ZDHHC14: variants seen among roughly 807,000 people sequenced by gnomAD.
ZDHHC14 encodes the protein palmitoyltransferase ZDHHC14.
Under a neutral mutation model 47.7 loss-of-function variants are expected in ZDHHC14, and 16 were observed. That is an observed-to-expected ratio of 0.34 (90% CI 0.23 to 0.51). The LOEUF (loss-of-function observed/expected upper bound fraction) is 0.51, where lower values mean the gene tolerates loss of function less well. ZDHHC14 is among the 20% of genes least tolerant of loss of function. The pLI is 0.97. For synonymous variants in ZDHHC14, 293 were observed against 278.9 expected, an observed-to-expected ratio of 1.05 and a Z score of -0.50; for missense variants, 515 against 662.5, an observed-to-expected ratio of 0.78 and a Z score of 2.44.
At chr6:157,444,302 G>A (rs9347259) in intron 1 of ZDHHC14, among the ~76,000 whole-genome samples, 109,204 of 152,066 alleles carry the variant, frequency 0.72, 39,207 homozygotes, top group Middle Eastern at 0.77. Flanking sequence ...TGGATGGGCT[G>A]TTTGGTAGCG....
At position 157,673,916 on chromosome 6, in the gene ZDHHC14, C is replaced by G. The variant is rs1287438587; in HGVS notation, c.*794C>G. 6.6e-6 allele frequency: 1 copy of G among 152,574 alleles called. No individual in the cohort carries two copies. The highest frequency in any genetic ancestry group is 1.5e-5 in the Non-Finnish European group (1 of 68,020). The allele number at this position is 152,574 out of a possible 1,614,324, so 9.5% of individuals were successfully genotyped here. On this transcript the variant is annotated 3_prime_UTR_variant, in exon 9 of 9. Coordinates refer to ENST00000359775, the MANE Select transcript of ZDHHC14 (RefSeq NM_024630.3). The surrounding 1 kb of genome is among the most constrained non-coding windows in gnomAD (Gnocchi z 5.4). Reference sequence around the variant, plus strand: ...TGTGATGAAACTTCCCGTGGACAGCCAATAAAATGACGTCCTCTGTTATTT... The same window carrying G: ...TGTGATGAAACTTCCCGTGGACAGCGAATAAAATGACGTCCTCTGTTATTT...
At chr6:157,426,776 G>C (rs772395482) in intron 1 of ZDHHC14, among the ~76,000 whole-genome samples, 8 of 152,220 alleles carry the variant, frequency 5.3e-5, no homozygotes, top group Non-Finnish European at 1.0e-4. Flanking sequence ...AGAGGGGCCA[G>C]CGTGAGGTTC....
intron 3 of ZDHHC14, among the ~76,000 whole-genome samples, chr6:157,615,126 ACATTCCATAGC>A (rs1178746348): frequency 1.3e-5 from 2 of 152,158 alleles, no homozygotes; most frequent in Admixed American, 6.5e-5. Context: ...CGGGCCCCCG[ACATTCCATAGC>A]CGGTCCTAAC....
At chr6:157,616,019 G>T (rs1236335632) in intron 3 of ZDHHC14, among the ~76,000 whole-genome samples, 1 of 152,216 alleles carries the variant, frequency 6.6e-6, no homozygotes, top group Non-Finnish European at 1.5e-5. Context: ...CACATTGGGG[G>T]TGCAGCCAGT....
In ZDHHC14 at chr6:157,673,099, C is replaced by A; in HGVS notation, c.1444C>A (p.Leu482Met). The change falls in exon 9 of 9, where the codon CTG becomes ATG. Residue 482 changes from leucine (L) to methionine (M), a missense_variant. Leu to Met is a conservative substitution (Grantham distance 15). Coordinates refer to ENST00000359775, the MANE Select transcript of ZDHHC14 (RefSeq NM_024630.3). The surrounding 1 kb of genome is among the most constrained non-coding windows in gnomAD (Gnocchi z 5.4). ...CCTGCATGAGGACTCTGTGCGCGGCCTGGTGAAGCTCAGCTCCGTGTGACC... is the reference window on the plus strand; with the variant it reads ...CCTGCATGAGGACTCTGTGCGCGGCATGGTGAAGCTCAGCTCCGTGTGACC... Reference protein sequence around the residue: ...DSLHEDSVRGLVKLSSV With the variant: ...DSLHEDSVRGMVKLSSV The A allele has an allele frequency of 6.4e-7, 1 of 1,574,142 alleles. No individual in the cohort carries two copies. Among genetic ancestry groups the A allele is most frequent in the Non-Finnish European group, 8.6e-7 (1 of 1,168,752 alleles).
chr6:157,433,046 G>A (rs1035589005), intron 1 of ZDHHC14, among the ~76,000 whole-genome samples: 33 of 152,358 alleles, frequency 2.2e-4, no homozygotes, highest in African/African-American at 7.0e-4. Flanking sequence ...GCATCTCACC[G>A]CCCAAGAGCG....
intron 1 of ZDHHC14, among the ~76,000 whole-genome samples, chr6:157,494,563 C>G (rs1405677003): frequency 6.6e-6 from 1 of 152,190 alleles, no homozygotes; most frequent in African/African-American, 2.4e-5. Context: ...CCAAATTATG[C>G]AAGATGCCGA....
chr6:157,452,061 C>G (rs1778816349), intron 1 of ZDHHC14, among the ~76,000 whole-genome samples: 1 of 151,998 alleles, frequency 6.6e-6, no homozygotes, highest in Non-Finnish European at 1.5e-5. Context: ...GGGGTTGGAC[C>G]CATTTAGCAC....
At chr6:157,631,532 T>G (rs1204191164) in intron 4 of ZDHHC14, 1 of 151,976 alleles carries the variant, frequency 6.6e-6, no homozygotes, top group Non-Finnish European at 1.5e-5. Context: ...CTCTTAAGCC[T>G]CAGAAAACAT....
rs1297739402 is a variant in ZDHHC14 at position 157,522,802 on chromosome 6, TCCCTCCCTCCCTCCC to T, written c.246-19782_246-19768del. 3.6e-3 allele frequency among the ~76,000 whole-genome samples: 97 copies of T among 26,920 alleles called. 30 individuals carry two copies. Among genetic ancestry groups the T allele is most frequent in the African/African-American group, 0.017 (90 of 5,430 alleles). The allele number at this position is 26,920 out of a possible 152,430, so 17.7% of individuals were successfully genotyped here. A position where few individuals can be genotyped will look rare whatever the true frequency, so the allele number is the denominator to read the frequency against. On this transcript the variant is annotated intron_variant, in intron 1 of 8. Coordinates refer to ENST00000359775, the MANE Select transcript of ZDHHC14 (RefSeq NM_024630.3). ...ATCTCTCTTTCCATTCCTCCCTCCC[TCCCTCCCTCCCTCCC>T]TCCCTCCCTCCCTCCCTCCCTTCCT...
At chr6:157,469,471 G>T (rs1779304341) in intron 1 of ZDHHC14, among the ~76,000 whole-genome samples, 1 of 152,212 alleles carries the variant, frequency 6.6e-6, no homozygotes, top group South Asian at 2.1e-4. Flanking sequence ...TTTGGAAGTT[G>T]AAAGACGTCA....
rs759574099 is a variant in ZDHHC14 at position 157,592,998 on chromosome 6, C to G, written c.417C>G (p.Asn139Lys). Residue 139 changes from asparagine (N) to lysine (K), a missense_variant, in exon 3 of 9, where the codon AAC (asparagine) becomes AAG (lysine). Physicochemically the swap from Asn to Lys is moderately conservative, Grantham distance 94. Around this residue, in one of 4 missense-constraint regions of ZDHHC14, gnomAD observed 229 missense variants for 351.5 expected, o/e 0.65. Transcript: ENST00000359775. The part of the protein sequence containing the change: ...ADLERQIDIA[N>K]GTSSGGYRPP... ...TTCTTTTCTCCACAGATATCGCAAA[C>G]GGCACCAGTTCAGGGGGGTACCGCC... 6.2e-7 allele frequency: 1 copy of G among 1,611,182 alleles called. No individual in the cohort carries two copies. Among genetic ancestry groups the G allele is most frequent in the South Asian group, 1.1e-5 (1 of 90,694 alleles).
chr6:157,476,108 A>T (rs148284059), intron 1 of ZDHHC14, among the ~76,000 whole-genome samples: 8,959 of 152,202 alleles, frequency 0.059, 897 homozygotes, highest in African/African-American at 0.21. Context: ...TAGAGATCAC[A>T]GCAATATGAA....
At chr6:157,553,507 A>G (rs35380765) in intron 2 of ZDHHC14, among the ~76,000 whole-genome samples, 71,728 of 151,796 alleles carry the variant, frequency 0.47, 17,105 homozygotes, top group Middle Eastern at 0.55. Context: ...CCACATGCAC[A>G]TCTGTGATAT....
chr6:157,579,190 G>GTTGTTT (rs1562490099), intron 2 of ZDHHC14, among the ~76,000 whole-genome samples: 1 of 63,948 alleles, frequency 1.6e-5, no homozygotes, highest in Non-Finnish European at 3.0e-5. Context: ...TTGATTCTGT[G>GTTGTTT]TTTTTTTTTT....
chr6:157,397,278 T>C (rs977275234), intron 1 of ZDHHC14, among the ~76,000 whole-genome samples: 6 of 152,232 alleles, frequency 3.9e-5, no homozygotes. Context: ...GCTGCTGTAA[T>C]GAATTGTTAC....
At chr6:157,550,308 C>T (rs1481705538) in intron 2 of ZDHHC14, among the ~76,000 whole-genome samples, 2 of 151,852 alleles carry the variant, frequency 1.3e-5, no homozygotes, top group Non-Finnish European at 2.9e-5. Context: ...ACCACAGTGT[C>T]ACACAGGCAT....
intron 4 of ZDHHC14, among the ~76,000 whole-genome samples, chr6:157,629,181 G>GT (rs1432126294): frequency 1.3e-5 from 2 of 152,138 alleles, no homozygotes; most frequent in African/African-American, 4.8e-5. Flanking sequence ...CATTCTGAGG[G>GT]TTATAACTTT....
At chr6:157,551,916 CTG>C (rs1782251093) in intron 2 of ZDHHC14, among the ~76,000 whole-genome samples, 1 of 152,168 alleles carries the variant, frequency 6.6e-6, no homozygotes, top group Non-Finnish European at 1.5e-5. Flanking sequence ...GTTTCAGTGT[CTG>C]TAAAATAGAC....
Sources: gnomAD v4.1 joint callset for allele counts (sites outside exome capture counted in the v4.1 genomes callset) on GRCh38, gnomAD v4.1.1 for gene constraint, gnomAD v4.1.1 regional missense constraint, Gnocchi (gnomAD v3.1) non-coding constraint, MANE v1.5 for transcripts, NCBI Gene and HGNC (gene_info 2026-07-23, HGNC 2026-07-21) for gene names.